DLG2: variants seen among roughly 807,000 people sequenced by gnomAD.
DLG2 encodes the protein discs large MAGUK scaffold protein 2.
A neutral mutation model predicts 132.5 loss-of-function variants in DLG2; 45 were observed. That is an observed-to-expected ratio of 0.34 (90% CI 0.27 to 0.44). The LOEUF is 0.44. DLG2 is among the 20% of genes least tolerant of loss of function. The pLI, the probability that DLG2 is intolerant of heterozygous loss-of-function variation, is 1.00. For synonymous variants in DLG2, 424 were observed against 419.6 expected (o/e 1.01, Z -0.13); for missense variants, 1,045 against 1,196.9 (o/e 0.87, Z 1.87).
intron 17 of DLG2, among the ~76,000 whole-genome samples, chr11:83,796,752 T>A (rs1016817667): frequency 1.3e-5 from 2 of 152,192 alleles, no homozygotes; most frequent in African/African-American, 4.8e-5. Flanking sequence ...TTGAAATATA[T>A]TTGTTTTTTA....
intron 6 of DLG2, among the ~76,000 whole-genome samples, chr11:84,849,682 T>C (rs1406665113): frequency 6.6e-6 from 1 of 152,158 alleles, no homozygotes; most frequent in East Asian, 1.9e-4. Flanking sequence ...TTCTTACCTA[T>C]GTTTTCTTCA....
At chr11:84,072,848 C>T (rs950561031) in intron 10 of DLG2, among the ~76,000 whole-genome samples, 1 of 152,048 alleles carries the variant, frequency 6.6e-6, no homozygotes, top group Admixed American at 6.5e-5. Flanking sequence ...TGCTATATAA[C>T]CCTGATAAAA....
At chr11:84,164,498 A>T (rs2095617555) in intron 8 of DLG2, among the ~76,000 whole-genome samples, 1 of 152,200 alleles carries the variant, frequency 6.6e-6, no homozygotes, top group Non-Finnish European at 1.5e-5. Flanking sequence ...AAGAATTTAT[A>T]CCCAGTACCA....
At chr11:83,791,903 C>T (rs2041669847) in intron 17 of DLG2, among the ~76,000 whole-genome samples, 2 of 152,220 alleles carry the variant, frequency 1.3e-5, no homozygotes, top group South Asian at 4.1e-4. Context: ...TCACTATATG[C>T]ACATGCAAGC....
At chr11:84,171,259 T>G (rs1183806510) in intron 8 of DLG2, among the ~76,000 whole-genome samples, 1 of 152,190 alleles carries the variant, frequency 6.6e-6, no homozygotes, top group African/African-American at 2.4e-5. Context: ...TTTTTAAAAT[T>G]TGTATGAATT....
At chr11:83,963,707 C>T (rs1170743114) in intron 13 of DLG2, among the ~76,000 whole-genome samples, 1 of 151,954 alleles carries the variant, frequency 6.6e-6, no homozygotes, top group Admixed American at 6.6e-5. Flanking sequence ...CTCCTCTTTG[C>T]CATTCTTGCA....
At chr11:85,296,719 G>T (rs1361977001) in intron 3 of DLG2, among the ~76,000 whole-genome samples, 1 of 151,154 alleles carries the variant, frequency 6.6e-6, no homozygotes, top group Non-Finnish European at 1.5e-5. Flanking sequence ...ATTTCACCTG[G>T]AATTGGTCCA....
At chr11:85,120,208 C>G (rs1037282172) in intron 5 of DLG2, among the ~76,000 whole-genome samples, 6 of 152,052 alleles carry the variant, frequency 3.9e-5, no homozygotes, top group Non-Finnish European at 7.4e-5. Context: ...TTCCTGACAC[C>G]TATGAATATG....
chr11:85,042,687 T>C (rs2061981598), intron 6 of DLG2, among the ~76,000 whole-genome samples: 1 of 151,940 alleles, frequency 6.6e-6, no homozygotes, highest in South Asian at 2.1e-4. Context: ...TAAATAAAGT[T>C]AGTGGATTGC....
chr11:84,725,273 G>T (rs897524350), intron 6 of DLG2, among the ~76,000 whole-genome samples: 4 of 152,202 alleles, frequency 2.6e-5, no homozygotes, highest in South Asian at 2.1e-4. Flanking sequence ...CTCTTTGAGA[G>T]AATTCTTCCT....
intron 17 of DLG2, among the ~76,000 whole-genome samples, chr11:83,811,260 G>A (rs1195333207): frequency 1.3e-5 from 2 of 152,086 alleles, no homozygotes; most frequent in Non-Finnish European, 2.9e-5. Context: ...CTTTGTTTAA[G>A]CACCCTTTTC....
intron 19 of DLG2, among the ~76,000 whole-genome samples, chr11:83,570,820 A>G (rs1270679996): frequency 6.6e-6 from 1 of 152,178 alleles, no homozygotes; most frequent in African/African-American, 2.4e-5. Flanking sequence ...TCAGGTAAAT[A>G]GTAAAGGAGG....
chr11:84,204,993 C>T (rs941288617), intron 8 of DLG2, among the ~76,000 whole-genome samples: 7 of 152,202 alleles, frequency 4.6e-5, no homozygotes, highest in African/African-American at 1.4e-4. Flanking sequence ...CGTGAGTCAC[C>T]GCACCCAGCA....
At chr11:84,570,163 A>G (rs2099475887) in intron 6 of DLG2, among the ~76,000 whole-genome samples, 1 of 152,192 alleles carries the variant, frequency 6.6e-6, no homozygotes, top group Non-Finnish European at 1.5e-5. Flanking sequence ...TAGTCCCTAC[A>G]TAACTCTCAG....
At chr11:84,288,085 C>T (rs558303625) in intron 7 of DLG2, among the ~76,000 whole-genome samples, 5 of 152,092 alleles carry the variant, frequency 3.3e-5, no homozygotes, top group African/African-American at 9.6e-5. Context: ...TAGCTATTCA[C>T]TTCACTAAAT....
chr11:83,884,223 T>A (rs2067128165), intron 15 of DLG2, among the ~76,000 whole-genome samples: 1 of 152,054 alleles, frequency 6.6e-6, no homozygotes, highest in Non-Finnish European at 1.5e-5. Context: ...ACCTGGAAAA[T>A]CGGGTCACTC....
chr11:84,722,177 G>A (rs1221892778), intron 6 of DLG2, among the ~76,000 whole-genome samples: 1 of 152,174 alleles, frequency 6.6e-6, no homozygotes, highest in Non-Finnish European at 1.5e-5. Flanking sequence ...GACCAGGACT[G>A]TCACATTTAC....
At chr11:83,721,787 C>T (rs1410300606) in intron 18 of DLG2, among the ~76,000 whole-genome samples, 1 of 152,154 alleles carries the variant, frequency 6.6e-6, no homozygotes, top group African/African-American at 2.4e-5. Flanking sequence ...GCCAGAGGAA[C>T]TTACTGAAGG....
Position 84,492,671 on chromosome 11 carries a change from T to A in DLG2, c.519+41899A>T, listed in dbSNP as rs2099168425. Among the ~76,000 whole-genome samples, 3 of 152,168 alleles carry A rather than the reference T, an allele frequency of 2.0e-5. No homozygotes were observed. The South Asian group carries it at 6.2e-4, about 31-fold the overall frequency. On this transcript the variant is annotated intron_variant, in intron 7 of 27. Transcript: ENST00000376104. ...GTAGTGCAACACCTAGCATATTTAG[T>A]AAGTGTTAGTTGCTGTTTTTGTCAT...
Sources: gnomAD v4.1 joint callset for allele counts (sites outside exome capture counted in the v4.1 genomes callset) on GRCh38, gnomAD v4.1.1 for gene constraint, MANE v1.5 for transcripts, NCBI Gene and HGNC (gene_info 2026-07-23, HGNC 2026-07-21) for gene names.